The following ZNF846 variants were observed in gnomAD, a reference collection of about 807,000 sequenced individuals.
ZNF846 encodes the protein zinc finger protein 420 pseudogene.
Under a neutral mutation model 16.0 loss-of-function variants are expected in ZNF846, and 15 were observed. The observed-to-expected ratio is 0.94, with a 90% CI of 0.63 to 1.45. The LOEUF (loss-of-function observed/expected upper bound fraction) is 1.45. Among genes scored for constraint, ZNF846 ranks in the 40% most tolerant of loss-of-function variants. The probability of loss-of-function intolerance (pLI) is 0.00; values close to 1 mark genes in which losing one functional copy is unlikely to be tolerated. For synonymous variants in ZNF846, 229 were observed against 212.0 expected (o/e 1.08, Z -0.70); for missense variants, 714 against 622.3 (o/e 1.15, Z -1.57).
rs1349803014 is a variant in ZNF846 at position 9,774,734 on chromosome 19, G to A, written c.-85-9699C>T. Reference sequence around the variant, plus strand: ...AACAAAGATCTATCACCCAAATATCGACGAAAAGGGGCAGGTCTGTCTGTC... The same window carrying A: ...AACAAAGATCTATCACCCAAATATCAACGAAAAGGGGCAGGTCTGTCTGTC... On this transcript the variant is annotated intron_variant, in intron 1 of 4. Transcript: ENST00000586814. 5.2e-6 allele frequency: 8 copies of A among 1,549,932 alleles called. No homozygotes were observed. In the East Asian group the frequency reaches 6.7e-5, roughly 13 times the overall value.
downstream of ZNF846, among the ~76,000 whole-genome samples, chr19:9,753,919 G>C (rs1046294697): frequency 6.6e-6 from 1 of 151,588 alleles, no homozygotes; most frequent in African/African-American, 2.4e-5. Context: ...TATAGTACTT[G>C]TCCTGTTTCC....
At chr19:9,774,906 G>C in intron 1 of ZNF846, 1 of 1,609,672 alleles carries the variant, frequency 6.2e-7, no homozygotes, top group South Asian at 1.1e-5. Flanking sequence ...AAAAAATTCT[G>C]TAAGAATGCT....
intron 1 of ZNF846, among the ~76,000 whole-genome samples, chr19:9,766,280 G>T (rs192258168): frequency 6.6e-6 from 1 of 151,906 alleles, no homozygotes; most frequent in African/African-American, 2.4e-5. Context: ...AAAAATGGGT[G>T]GCTCACACCT....
chr19:9,782,918 C>T (rs2045516068), intron 1 of ZNF846, among the ~76,000 whole-genome samples: 1 of 135,004 alleles, frequency 7.4e-6, no homozygotes, highest in Admixed American at 7.4e-5. Flanking sequence ...ACACTATCTC[C>T]CTGTAACTTT....
rs1234513209 is a variant in ZNF846, at chr19:9,783,441, G to T, written c.-86+2497C>A. On this transcript the variant is annotated intron_variant, in intron 1 of 4. Transcript: ENST00000586814. Reference sequence around the variant, plus strand: ...GACAGGGTTTCGCCATGTTGGCCAGGAGTTCAAGGCTGCAGTGTGCTATGA... The same window carrying T: ...GACAGGGTTTCGCCATGTTGGCCAGTAGTTCAAGGCTGCAGTGTGCTATGA... 3.4e-5 allele frequency among the ~76,000 whole-genome samples: 5 copies of T among 146,196 alleles called. No homozygotes were observed. In the East Asian group the frequency reaches 1.0e-3, roughly 29 times the overall value.
At chr19:9,752,538 C>A (rs1439804288), downstream of ZNF846, 3 of 232,838 alleles carry the variant, frequency 1.3e-5, no homozygotes, top group Non-Finnish European at 2.8e-5. Flanking sequence ...TCACTTGAAC[C>A]TGGGAGGTGG....
upstream of ZNF846, among the ~76,000 whole-genome samples, chr19:9,772,909 C>T (rs2045400838): frequency 1.3e-5 from 2 of 151,868 alleles, no homozygotes; most frequent in South Asian, 4.2e-4. Flanking sequence ...AACCCCATCT[C>T]TACAAAAAAG....
downstream of ZNF846, among the ~76,000 whole-genome samples, chr19:9,754,290 C>A (rs1041800520): frequency 1.3e-5 from 2 of 151,364 alleles, no homozygotes; most frequent in African/African-American, 2.5e-5. Context: ...GATGGCCAGG[C>A]GTGATGGCTC....
In ZNF846 at chr19:9,758,202, G is replaced by T. The variant is rs780051129; in HGVS notation, c.875C>A (p.Thr292Asn). Residue 292 changes from threonine to asparagine, a missense_variant, in exon 6 of 6, where the codon ACC (threonine) becomes AAC (asparagine). Thr to Asn is a moderately conservative substitution (Grantham distance 65). Transcript: ENST00000397902. ...ATGATCAGTAAGGTATGAAGAATGG[G>T]TGAAGGCTTTCCCACACTCTTTACA... 1.1e-5 allele frequency: 18 copies of T among 1,612,728 alleles called. No homozygotes were observed. In the South Asian group the frequency reaches 1.5e-4, roughly 14 times the overall value.
chr19:9,750,818 A>T (rs537115732), downstream of ZNF846, among the ~76,000 whole-genome samples: 1 of 152,248 alleles, frequency 6.6e-6, no homozygotes, highest in South Asian at 2.1e-4. Context: ...CACAATCTTT[A>T]TCTGTCCTCC....
intron 1 of ZNF846, among the ~76,000 whole-genome samples, chr19:9,777,588 T>C (rs555826026): frequency 7.9e-5 from 12 of 151,470 alleles, no homozygotes; most frequent in African/African-American, 1.7e-4. Context: ...GGAGAATCCC[T>C]TGAACCAGGG....
downstream of ZNF846, chr19:9,751,859 C>T (rs1221778877): frequency 6.6e-6 from 1 of 152,550 alleles, no homozygotes; most frequent in Non-Finnish European, 1.5e-5. Flanking sequence ...GATAATCCCA[C>T]CATCTTCACT....
At chr19:9,783,541 AAAAAT>A (rs1410099897) in intron 1 of ZNF846, among the ~76,000 whole-genome samples, 11 of 104,944 alleles carry the variant, frequency 1.0e-4, no homozygotes, top group African/African-American at 4.8e-4. Context: ...AAAAAAAAAA[AAAAAT>A]ATATATATAT....
chr19:9,785,561 C>T (rs1308355720), intron 1 of ZNF846, among the ~76,000 whole-genome samples: 4 of 125,162 alleles, frequency 3.2e-5, no homozygotes, highest in Non-Finnish European at 6.7e-5. Flanking sequence ...CCGCCCCTGT[C>T]TCAACCAAGA....
chr19:9,762,280 C>G lies in ZNF846; in HGVS notation c.143-112G>C, dbSNP rs988426053. ...GGATTCTAAAGATGGTCAAGTGTAA[C>G]TTTACAAATAGCAAACTAATCATAT... On this transcript the variant is annotated intron_variant, in intron 3 of 5. Coordinates refer to ENST00000397902, the Ensembl canonical transcript of ZNF846. 56 of 743,738 alleles carry G rather than the reference C, an allele frequency of 7.5e-5. No individual in the cohort carries two copies. In the African/African-American group the frequency reaches 8.8e-4, roughly 12 times the overall value. 46.1% of individuals were successfully genotyped at this position (743,738 alleles called of 1,614,324 possible).
At chr19:9,757,854 A>G (rs374799723) in exon 6 of ZNF846, 6 of 1,612,344 alleles carry the variant, frequency 3.7e-6, no homozygotes, top group East Asian at 2.2e-5. Context: ...TTGACTAAGC[A>G]TTGAGGAATT....
chr19:9,780,674 C>G lies in ZNF846; in HGVS notation c.-86+5264G>C, dbSNP rs547511681. Among the ~76,000 whole-genome samples, 6 of 152,158 alleles carry G rather than the reference C, an allele frequency of 3.9e-5. No homozygotes were observed. In the South Asian group the frequency reaches 1.2e-3, roughly 32 times the overall value. ...ATGTTGGCTAGGCTGGTCTTGAACT[C>G]CTGACCTCAAGTGATCCACCTGCCT... On this transcript the variant is annotated intron_variant, in intron 1 of 4. Coordinates refer to the ZNF846 transcript ENST00000586814.
chr19:9,757,756 A>C (rs866432962), exon 6 of ZNF846: 2 of 1,613,224 alleles, frequency 1.2e-6, no homozygotes, highest in African/African-American at 1.3e-5. Context: ...TGAGTTCTTA[A>C]ATGGGTACTA....
intron 1 of ZNF846, 74 bp from the exon 2 acceptor site, chr19:9,765,109 A>T (rs1376137175): frequency 3.8e-6 from 3 of 793,412 alleles, no homozygotes; most frequent in East Asian, 2.6e-5. Flanking sequence ...ATGGTGGCTC[A>T]TGCCTGTAAT....
Sources: allele counts gnomAD v4.1 joint callset (sites outside exome capture counted in the v4.1 genomes callset), GRCh38; gene constraint gnomAD v4.1.1; transcripts MANE v1.5; gene names NCBI Gene and HGNC (gene_info 2026-07-23, HGNC 2026-07-21).